The following UBA6 variants were observed in gnomAD, a reference collection of about 807,000 sequenced individuals.
UBA6 encodes the protein ubiquitin-like modifier-activating enzyme 6.
UBA6 carries 87 observed loss-of-function variants against 148.3 expected under a neutral mutation model. The ratio of observed to expected loss-of-function variants is 0.59; its 90% confidence interval spans 0.49 to 0.70. UBA6 has a LOEUF of 0.70. Among genes scored for constraint, UBA6 ranks in the 30% least tolerant of loss-of-function variants. The probability of loss-of-function intolerance (pLI) is 0.00; values close to 1 mark genes in which losing one functional copy is unlikely to be tolerated. For synonymous variants in UBA6, 376 were observed against 401.0 expected, an observed-to-expected ratio of 0.94 and a Z score of 0.75; for missense variants, 1,186 against 1,241.2, an observed-to-expected ratio of 0.96 and a Z score of 0.67.
intron 8 of UBA6, among the ~76,000 whole-genome samples, chr4:67,669,616 C>CA (rs1000442851): frequency 1.2e-4 from 18 of 149,958 alleles, no homozygotes; most frequent in African/African-American, 3.4e-4. Context: ...TTCTTTTATG[C>CA]AAAAAAAAAT....
At chr4:67,665,140 T>C in intron 10 of UBA6, 49 bp downstream of exon 10, 1 of 1,209,356 alleles carries the variant, frequency 8.3e-7, no homozygotes, top group East Asian at 2.4e-5. Context: ...TCTTCTGCCT[T>C]TCTTTTTCTG....
Position 67,619,127 on chromosome 4 carries a change from T to C in UBA6, c.3029A>G (p.His1010Arg). ...GHAKRLKLTM[H>R]KLVKPTTEKK... The stretch of plus-strand genomic sequence containing the variant: ...TTCAGTAGTAGGTTTTACAAGTTTA[T>C]GCATTCTAAGAAAAATAAGCAAGAA... The change falls in exon 33 of 33, where the codon CAT (histidine) becomes CGT (arginine). Residue 1010 changes from histidine to arginine, a missense_variant. Transcript: ENST00000322244. The C allele has an allele frequency of 6.3e-7, 1 of 1,597,238 alleles. No individual in the cohort carries two copies. The highest frequency in any genetic ancestry group is 8.6e-7 in the Non-Finnish European group (1 of 1,169,194).
chr4:67,660,969 C>T (rs547961019), intron 13 of UBA6, among the ~76,000 whole-genome samples: 1 of 152,280 alleles, frequency 6.6e-6, no homozygotes, highest in South Asian at 2.1e-4. Context: ...AATGATTGCC[C>T]TATGGGATTT....
chr4:67,691,042 T>C lies in UBA6; in HGVS notation c.134+5603A>G, dbSNP rs1269607107. ...GTACACAGAGTTAAAAATATAGTTGTCCCGTGAACAACATGGGTTTCAAAC... is the reference window on the plus strand; with the variant it reads ...GTACACAGAGTTAAAAATATAGTTGCCCCGTGAACAACATGGGTTTCAAAC... On this transcript the variant is annotated intron_variant, in intron 2 of 32. Transcript: ENST00000322244. 2.6e-5 allele frequency among the ~76,000 whole-genome samples: 4 copies of C among 152,290 alleles called. No homozygotes were observed. The East Asian group carries it at 7.7e-4, about 29-fold the overall frequency.
chr4:67,666,178 T>G (rs1729991476), intron 9 of UBA6, among the ~76,000 whole-genome samples: 1 of 152,106 alleles, frequency 6.6e-6, no homozygotes, highest in African/African-American at 2.4e-5. Context: ...GATAACACAG[T>G]GAGACCCTCA....
intron 7 of UBA6, among the ~76,000 whole-genome samples, chr4:67,672,602 C>A (rs1730176763): frequency 6.6e-6 from 1 of 152,128 alleles, no homozygotes; most frequent in African/African-American, 2.4e-5. Flanking sequence ...TAACGTATGG[C>A]CCCCAACCTA....
rs71269059 is a variant in UBA6, at chr4:67,665,431, G to GTT, written c.794-141_794-140dup. ...GCATAGTGTTTTTTTTTGTTTGTTT[G>GTT]TTTTTTTTTTTTTTTAATGAAGAGC... On this transcript the variant is annotated intron_variant, in intron 9 of 32. Transcript: ENST00000322244. 3.4e-3 allele frequency: 1,182 copies of GTT among 343,322 alleles called. 2 individuals carry two copies. Among genetic ancestry groups the GTT allele is most frequent in the African/African-American group, 0.011 (413 of 37,218 alleles). 21.3% of individuals were successfully genotyped at this position (343,322 alleles called of 1,614,324 possible).
At chr4:67,660,253 C>T (rs1242682517) in intron 13 of UBA6, among the ~76,000 whole-genome samples, 1 of 152,144 alleles carries the variant, frequency 6.6e-6, no homozygotes, top group Non-Finnish European at 1.5e-5. Context: ...TAACAAGCAG[C>T]CAAATGTTAA....
chr4:67,698,441 G>T (rs868529084), intron 1 of UBA6, among the ~76,000 whole-genome samples: 51 of 152,170 alleles, frequency 3.4e-4, no homozygotes, highest in African/African-American at 1.2e-3. Context: ...TACTTATTCA[G>T]TTAACCCTTA....
intron 11 of UBA6, chr4:67,663,627 T>G: frequency 6.3e-6 from 3 of 476,372 alleles, no homozygotes; most frequent in Middle Eastern, 9.5e-4. Context: ...AATCGTCTTA[T>G]AATTATCAAA....
chr4:67,641,262 A>G, intron 17 of UBA6, 34 bp from the exon 18 acceptor site: 3 of 1,231,094 alleles, frequency 2.4e-6, no homozygotes, highest in Non-Finnish European at 1.2e-6. Context: ...AAATTACATA[A>G]TGGATACCTT....
intron 13 of UBA6, among the ~76,000 whole-genome samples, chr4:67,655,222 A>T (rs1729656905): frequency 6.6e-6 from 1 of 152,182 alleles, no homozygotes; most frequent in Non-Finnish European, 1.5e-5. Flanking sequence ...TCCACCCCAA[A>T]TCAACAAAAT....
At chr4:67,643,356 T>C (rs899245221) in intron 17 of UBA6, among the ~76,000 whole-genome samples, 12 of 152,068 alleles carry the variant, frequency 7.9e-5, no homozygotes, top group African/African-American at 2.9e-4. Flanking sequence ...TTGTCTTTAA[T>C]GAAGGCTGAC....
At chr4:67,624,931 CG>C in intron 29 of UBA6, 62 bp downstream of exon 29, 1 of 1,378,174 alleles carries the variant, frequency 7.3e-7, no homozygotes. Context: ...GTTGGTATGA[CG>C]GGGAAGTCAG....
At chr4:67,680,581 G>A (rs1730408706) in intron 4 of UBA6, among the ~76,000 whole-genome samples, 1 of 152,186 alleles carries the variant, frequency 6.6e-6, no homozygotes, top group Non-Finnish European at 1.5e-5. Flanking sequence ...TCAATAAAAT[G>A]TCTTAAGACA....
In UBA6 at chr4:67,683,188, T is replaced by C. The variant is rs192677594; in HGVS notation, c.135-975A>G. On this transcript the variant is annotated intron_variant, in intron 2 of 32. Coordinates refer to ENST00000322244, the MANE Select transcript of UBA6 (RefSeq NM_018227.6). ...TATCCATTTACACATCAAATATTTA[T>C]TGAAAATCTACTATAGTATGTACGA... is the stretch of plus-strand genomic sequence containing the variant. Among the ~76,000 whole-genome samples, 320 of 152,348 alleles carry C rather than the reference T, an allele frequency of 2.1e-3. 2 individuals are homozygous for C. Among genetic ancestry groups the C allele is most frequent in the African/African-American group, 7.2e-3 (300 of 41,590 alleles).
intron 2 of UBA6, 105 bp downstream of exon 2, chr4:67,696,540 C>CAT: frequency 1.3e-6 from 1 of 791,026 alleles, no homozygotes; most frequent in Non-Finnish European, 2.1e-6. Flanking sequence ...CACACACACA[C>CAT]ACATATAATT....
intron 6 of UBA6, among the ~76,000 whole-genome samples, chr4:67,676,216 G>A (rs576908042): frequency 6.6e-6 from 1 of 151,996 alleles, no homozygotes; most frequent in East Asian, 1.9e-4. Flanking sequence ...TAGAGACAGG[G>A]TTTCTCCATG....
Position 67,639,085 on chromosome 4 carries a change from T to C in UBA6, c.1594A>G (p.Ile532Val), listed in dbSNP as rs1272746503. ...GCATCTATCTTTATTTGAGAATTTA[T>C]TTTCAGAGTAGCATCAGCAGCAGTG... ...SYTAADATLK[I>V]NSQIKIDAHL... The change falls in exon 19 of 33, where the codon ATA (isoleucine) becomes GTA (valine). Residue 532 changes from isoleucine (I) to valine (V), a missense_variant. Transcript: ENST00000322244. 3.1e-6 allele frequency: 5 copies of C among 1,613,438 alleles called. No individual in the cohort carries two copies. The South Asian group carries it at 4.4e-5, about 14-fold the overall frequency.
Sources: allele counts gnomAD v4.1 joint callset (sites outside exome capture counted in the v4.1 genomes callset), GRCh38; gene constraint gnomAD v4.1.1; transcripts MANE v1.5; gene names NCBI Gene and HGNC (gene_info 2026-07-23, HGNC 2026-07-21).